The following TMEM232 variants were observed in gnomAD, a reference collection of about 807,000 sequenced individuals.
The protein encoded by TMEM232 is transmembrane protein 232.
In TMEM232, 80 loss-of-function variants were observed where a neutral mutation model predicts 78.8. The ratio of observed to expected loss-of-function variants is 1.01; its 90% CI spans 0.85 to 1.22. TMEM232 has a LOEUF of 1.22. Among genes scored for constraint, TMEM232 ranks in the 50% most tolerant of loss-of-function variants. The pLI is 0.00. For synonymous variants in TMEM232, 297 were observed against 254.3 expected (o/e 1.17, Z -1.60); for missense variants, 881 against 742.2 (o/e 1.19, Z -2.17).
chr5:110,568,396 G>A (rs771827673), intron 11 of TMEM232, 51 bp downstream of exon 11: 9 of 1,438,092 alleles, frequency 6.3e-6, no homozygotes, highest in South Asian at 2.8e-5. Flanking sequence ...AATGACAACC[G>A]TGCTTCCTAA....
At chr5:110,676,143 A>G (rs1409176308) in intron 1 of TMEM232, among the ~76,000 whole-genome samples, 1 of 152,174 alleles carries the variant, frequency 6.6e-6, no homozygotes, top group Admixed American at 6.6e-5. Flanking sequence ...AGGTATATAT[A>G]CTACATTTTT....
chr5:110,476,183 C>G (rs1193107741), intron 12 of TMEM232, among the ~76,000 whole-genome samples: 1 of 151,810 alleles, frequency 6.6e-6, no homozygotes, highest in Non-Finnish European at 1.5e-5. Flanking sequence ...TTCTGCAGCC[C>G]TAATTCACAG....
chr5:110,577,354 T>G (rs1777681676), intron 10 of TMEM232, among the ~76,000 whole-genome samples: 1 of 152,000 alleles, frequency 6.6e-6, no homozygotes, highest in Non-Finnish European at 1.5e-5. Context: ...GAATGGCAAT[T>G]GTTAAAAGTA....
chr5:110,524,959 C>G (rs1165473233), intron 12 of TMEM232, among the ~76,000 whole-genome samples: 1 of 151,978 alleles, frequency 6.6e-6, no homozygotes, highest in Non-Finnish European at 1.5e-5. Context: ...TATAGCCACA[C>G]CTGCTCTCCT....
Position 110,443,808 on chromosome 5 carries a change from T to C in TMEM232, c.1704-18892A>G, listed in dbSNP as rs1013021141. Among the ~76,000 whole-genome samples the C allele has an allele frequency of 2.0e-5, 3 of 152,170 alleles. No homozygotes were observed. The East Asian group carries it at 5.8e-4, about 29-fold the overall frequency. On this transcript the variant is annotated intron_variant, in intron 12 of 13. Coordinates refer to ENST00000455884, the MANE Select transcript of TMEM232 (RefSeq NM_001039763.4). ...TCTTTAGTAAGCAGGTGATTAATCC[T>C]GCCAGGACTGGGTCCTTCCTTTCAA... is the stretch of plus-strand genomic sequence containing the variant.
chr5:110,722,929 T>G (rs1359721456), intron 1 of TMEM232, among the ~76,000 whole-genome samples: 3 of 152,322 alleles, frequency 2.0e-5, no homozygotes, highest in Admixed American at 1.3e-4. Flanking sequence ...GTTGAGGCTA[T>G]TTGGATATAT....
At chr5:110,542,243 T>G (rs73222638) in intron 11 of TMEM232, among the ~76,000 whole-genome samples, 2 of 152,080 alleles carry the variant, frequency 1.3e-5, no homozygotes, top group East Asian at 3.9e-4. Flanking sequence ...TAGTAGCCAT[T>G]TTTTTTGTAT....
chr5:110,428,401 T>C (rs1402969657), intron 12 of TMEM232, among the ~76,000 whole-genome samples: 1 of 151,770 alleles, frequency 6.6e-6, no homozygotes, highest in African/African-American at 2.4e-5. Flanking sequence ...TATTCTCCCA[T>C]CCTCTTGGTA....
intron 6 of TMEM232, among the ~76,000 whole-genome samples, chr5:110,626,137 T>C (rs1784395799): frequency 6.6e-6 from 1 of 151,974 alleles, no homozygotes; most frequent in South Asian, 2.1e-4. Context: ...CTATTATATT[T>C]GGTAAGAGGG....
intron 1 of TMEM232, among the ~76,000 whole-genome samples, chr5:110,675,879 A>AT (rs1252024566): frequency 6.6e-6 from 1 of 152,140 alleles, no homozygotes; most frequent in African/African-American, 2.4e-5. Flanking sequence ...GAATTTATTG[A>AT]TTTTAACTGA....
intron 12 of TMEM232, among the ~76,000 whole-genome samples, chr5:110,474,908 T>C (rs1264214257): frequency 6.6e-6 from 1 of 151,968 alleles, no homozygotes; most frequent in East Asian, 1.9e-4. Flanking sequence ...ACTATGATCA[T>C]AGACCAAAAG....
chr5:110,572,344 G>A lies in TMEM232; in HGVS notation c.1277-3719C>T, dbSNP rs917832414. ...GGTCATTAGCTTGAAGTCAATATAAGTAAGGAAACACATTATTTTTTAAGT... is the reference window on the plus strand; with the variant it reads ...GGTCATTAGCTTGAAGTCAATATAAATAAGGAAACACATTATTTTTTAAGT... On this transcript the variant is annotated intron_variant, in intron 10 of 13. Coordinates refer to ENST00000455884, the MANE Select transcript of TMEM232 (RefSeq NM_001039763.4). Among the ~76,000 whole-genome samples the A allele has an allele frequency of 2.6e-5, 4 of 151,960 alleles. No individual in the cohort carries two copies. In the South Asian group the frequency reaches 6.2e-4, roughly 24 times the overall value.
chr5:110,521,276 T>C (rs760009491), intron 12 of TMEM232, among the ~76,000 whole-genome samples: 7 of 152,182 alleles, frequency 4.6e-5, no homozygotes, highest in Non-Finnish European at 1.0e-4. Flanking sequence ...TAGAAAACTA[T>C]CTATTCAAGT....
intron 12 of TMEM232, among the ~76,000 whole-genome samples, chr5:110,521,203 A>T (rs1368054712): frequency 1.3e-5 from 2 of 152,060 alleles, no homozygotes; most frequent in Non-Finnish European, 2.9e-5. Context: ...CTCATGGAAT[A>T]CCCTGATGAT....
chr5:110,658,441 T>G (rs1242959122), intron 2 of TMEM232, among the ~76,000 whole-genome samples: 1 of 152,116 alleles, frequency 6.6e-6, no homozygotes, highest in East Asian at 1.9e-4. Flanking sequence ...TTCTTGGTAG[T>G]TATGAATAAA....
At chr5:110,516,733 A>G (rs1280272530) in intron 12 of TMEM232, among the ~76,000 whole-genome samples, 2 of 152,238 alleles carry the variant, frequency 1.3e-5, no homozygotes, top group Non-Finnish European at 2.9e-5. Context: ...ACATAAAGAA[A>G]AAAAGTCAAA....
chr5:110,508,201 A>G (rs1055616279), intron 12 of TMEM232, among the ~76,000 whole-genome samples: 3 of 152,268 alleles, frequency 2.0e-5, no homozygotes, highest in East Asian at 1.9e-4. Flanking sequence ...GAATTTAGTG[A>G]CATATCACTT....
At chr5:110,710,761 C>T (rs1331504005) in intron 1 of TMEM232, among the ~76,000 whole-genome samples, 1 of 151,960 alleles carries the variant, frequency 6.6e-6, no homozygotes, top group Non-Finnish European at 1.5e-5. Context: ...AGGAACATAC[C>T]TCAACATAAT....
chr5:110,429,191 G>GTTTC (rs1262370026), intron 12 of TMEM232, among the ~76,000 whole-genome samples: 1 of 151,748 alleles, frequency 6.6e-6, no homozygotes, highest in Non-Finnish European at 1.5e-5. Flanking sequence ...TGCAAAATAT[G>GTTTC]TTTCTTTCGA....
Sources: gnomAD v4.1 joint callset for allele counts (sites outside exome capture counted in the v4.1 genomes callset) on GRCh38, gnomAD v4.1.1 for gene constraint, MANE v1.5 for transcripts, NCBI Gene and HGNC (gene_info 2026-07-23, HGNC 2026-07-21) for gene names.